Variants in CATSPERE observed in about 807,000 individuals in gnomAD.
The protein encoded by CATSPERE is cation channel sperm-associated auxiliary subunit epsilon.
CATSPERE carries 93 observed loss-of-function variants against 114.1 expected under a neutral mutation model. The ratio of observed to expected loss-of-function variants is 0.81; its 90% confidence interval spans 0.69 to 0.97. The LOEUF (loss-of-function observed/expected upper bound fraction) is 0.97, where lower values mean the gene tolerates loss of function less well. Among genes scored for constraint, CATSPERE ranks in the 50% least tolerant of loss-of-function variants. The pLI is 0.00. For synonymous variants in CATSPERE, 341 were observed against 384.1 expected (o/e 0.89, Z 1.31); for missense variants, 1,058 against 1,131.6 (o/e 0.93, Z 0.93).
chr1:244,506,539 AC>A (rs1674841398), intron 7 of CATSPERE, among the ~76,000 whole-genome samples: 2 of 152,174 alleles, frequency 1.3e-5, no homozygotes, highest in Non-Finnish European at 2.9e-5. Flanking sequence ...CAATTCCTCT[AC>A]AGCCTCACTA....
chr1:244,559,256 G>T (rs4130695), intron 9 of CATSPERE, among the ~76,000 whole-genome samples: 1 of 152,228 alleles, frequency 6.6e-6, no homozygotes, highest in Admixed American at 6.5e-5. Context: ...TCTTCTTTAA[G>T]AATTGTTTCC....
chr1:244,627,388 C>G (rs114998248), intron 20 of CATSPERE, among the ~76,000 whole-genome samples: 1,599 of 152,120 alleles, frequency 0.011, 36 homozygotes, highest in African/African-American at 0.036. Flanking sequence ...CTGGGCAACA[C>G]AGTGAGATCC....
intron 18 of CATSPERE, among the ~76,000 whole-genome samples, chr1:244,606,364 C>T (rs568868896): frequency 4.6e-5 from 7 of 151,984 alleles, no homozygotes; most frequent in Non-Finnish European, 8.8e-5. Context: ...GCCTTCCTGC[C>T]CTGAGGGCCT....
intron 2 of CATSPERE, among the ~76,000 whole-genome samples, chr1:244,473,093 G>C (rs1189605355): frequency 6.6e-6 from 1 of 152,188 alleles, no homozygotes; most frequent in Non-Finnish European, 1.5e-5. Flanking sequence ...TTCATGGACA[G>C]GTTTTCGTGT....
At chr1:244,525,158 C>A (rs1432699925) in intron 8 of CATSPERE, among the ~76,000 whole-genome samples, 1 of 150,136 alleles carries the variant, frequency 6.7e-6, no homozygotes, top group Non-Finnish European at 1.5e-5. Flanking sequence ...ATTATGCAGC[C>A]ATAAAAAATG....
rs75959069 is a variant in CATSPERE at position 244,612,036 on chromosome 1, G to A, written c.2490+1710G>A. Among the ~76,000 whole-genome samples the A allele has an allele frequency of 8.3e-4, 127 of 152,200 alleles. 1 individual carries two copies. The East Asian group carries it at 0.012, about 15-fold the overall frequency. ...ACTGATATGCTGATCTGGGGACTGC[G>A]TTTCAGAGCAATTGAAATAGTAGCG... On this transcript the variant is annotated intron_variant, in intron 19 of 21. Coordinates refer to ENST00000366534, the MANE Select transcript of CATSPERE (RefSeq NM_001130957.2).
intron 7 of CATSPERE, among the ~76,000 whole-genome samples, chr1:244,508,361 C>T (rs1227154695): frequency 6.1e-5 from 9 of 147,072 alleles, no homozygotes; most frequent in East Asian, 2.0e-4. Flanking sequence ...AGTGCAGTGG[C>T]GCGATCTTGG....
At chr1:244,451,588 C>A, upstream of CATSPERE, 4 of 1,555,456 alleles carry the variant, frequency 2.6e-6, no homozygotes, top group South Asian at 1.2e-5. The surrounding 1 kb of genome is among the most constrained non-coding windows in gnomAD (Gnocchi z 6.6). Flanking sequence ...AGCCAGGCAG[C>A]CCGAGCTCCC....
At chr1:244,580,318 T>C (rs1381782267) in intron 11 of CATSPERE, among the ~76,000 whole-genome samples, 3 of 151,734 alleles carry the variant, frequency 2.0e-5, no homozygotes, top group Non-Finnish European at 4.4e-5. Flanking sequence ...ACTTTTTTCT[T>C]AACATTTAAC....
chr1:244,480,821 C>T (rs997159851), intron 5 of CATSPERE, among the ~76,000 whole-genome samples: 1 of 152,142 alleles, frequency 6.6e-6, no homozygotes. Context: ...GCCACTTTCC[C>T]GGAGTCTTAT....
At chr1:244,579,077 C>G (rs1665780264) in intron 11 of CATSPERE, among the ~76,000 whole-genome samples, 1 of 151,850 alleles carries the variant, frequency 6.6e-6, no homozygotes, top group African/African-American at 2.4e-5. Context: ...TATGCAAGAA[C>G]CACAAGAGAT....
chr1:244,515,147 C>T (rs1477061968), intron 7 of CATSPERE: 1 of 155,406 alleles, frequency 6.4e-6, no homozygotes, highest in African/African-American at 2.4e-5. Context: ...CCTATCTCTT[C>T]TCTGACCTTA....
chr1:244,560,728 A>G lies in CATSPERE; in HGVS notation c.1090A>G (p.Ile364Val). The G allele has an allele frequency of 6.2e-7, 1 of 1,614,000 alleles. No homozygotes were observed. The highest frequency in any genetic ancestry group is 8.5e-7 in the Non-Finnish European group (1 of 1,179,972). Residue 364 changes from isoleucine (I) to valine (V), a missense_variant, in exon 10 of 22, where the codon ATT becomes GTT. Coordinates refer to ENST00000366534, the MANE Select transcript of CATSPERE (RefSeq NM_001130957.2). ...WTENEIYLGS[I>V]LLKFARLVTT... ...AGAAAATGAAATTTACCTCGGATCC[A>G]TTCTTCTTAAGTTTGCCAGATTAGT... is the stretch of plus-strand genomic sequence containing the variant.
chr1:244,594,535 G>A (rs1021125798), intron 17 of CATSPERE, among the ~76,000 whole-genome samples: 2 of 152,104 alleles, frequency 1.3e-5, no homozygotes, highest in African/African-American at 4.8e-5. Context: ...TTTTGCTATT[G>A]TAAATAAATA....
intron 8 of CATSPERE, among the ~76,000 whole-genome samples, chr1:244,547,135 T>A (rs942983288): frequency 4.6e-5 from 7 of 152,122 alleles, no homozygotes; most frequent in Non-Finnish European, 8.8e-5. Flanking sequence ...AGCATCAGAC[T>A]TCTCAGCAGA....
Position 244,575,741 on chromosome 1 carries a change from C to T in CATSPERE, c.1950+2969C>T, listed in dbSNP as rs1427440457. ...CAGCCGCCTACGCTGCTGTTCTCCCCTCTCCTTCCCTTTCCCCTAGGGAGC... is the reference window on the plus strand; with the variant it reads ...CAGCCGCCTACGCTGCTGTTCTCCCTTCTCCTTCCCTTTCCCCTAGGGAGC... On this transcript the variant is annotated intron_variant, in intron 11 of 21. Coordinates refer to ENST00000366534, the MANE Select transcript of CATSPERE (RefSeq NM_001130957.2). The surrounding 1 kb of genome is among the most constrained non-coding windows in gnomAD (Gnocchi z 4.5). 6.6e-6 allele frequency among the ~76,000 whole-genome samples: 1 copy of T among 152,058 alleles called. No homozygotes were observed. Among genetic ancestry groups the T allele is most frequent in the Non-Finnish European group, 1.5e-5 (1 of 68,004 alleles).
At position 244,607,985 on chromosome 1, in the gene CATSPERE, TA is replaced by T; in HGVS notation, c.2403+2193del. On this transcript the variant is annotated intron_variant, in intron 18 of 21. Transcript: ENST00000366534. The surrounding 1 kb of genome is among the most constrained non-coding windows in gnomAD (Gnocchi z 4.4). ...AGCTGGGCATGCTGGCACACACCTG[TA>T]ATCCCAGCTACTCAGGAGGCTGAGA... is the stretch of plus-strand genomic sequence containing the variant. Among the ~76,000 whole-genome samples the T allele has an allele frequency of 6.6e-6, 1 of 152,214 alleles. No individual in the cohort carries two copies. Among genetic ancestry groups the T allele is most frequent in the Non-Finnish European group, 1.5e-5 (1 of 68,014 alleles).
chr1:244,614,376 T>TC (rs766179346), intron 19 of CATSPERE, among the ~76,000 whole-genome samples: 11 of 152,134 alleles, frequency 7.2e-5, no homozygotes, highest in Non-Finnish European at 1.5e-4. Flanking sequence ...ACACTTAGAT[T>TC]CTTTACAGTG....
At chr1:244,513,881 C>G (rs1250919687) in intron 7 of CATSPERE, among the ~76,000 whole-genome samples, 1 of 152,142 alleles carries the variant, frequency 6.6e-6, no homozygotes, top group African/African-American at 2.4e-5. Context: ...TGGCCACTGG[C>G]TGTAGTGGGT....
Sources: gnomAD v4.1 joint callset for allele counts (sites outside exome capture counted in the v4.1 genomes callset) on GRCh38, gnomAD v4.1.1 for gene constraint, Gnocchi (gnomAD v3.1) non-coding constraint, MANE v1.5 for transcripts, NCBI Gene and HGNC (gene_info 2026-07-23, HGNC 2026-07-21) for gene names.